Variants in CENPN observed in about 807,000 individuals in gnomAD.
CENPN encodes interphase centromere complex protein 32.
CENPN carries 36 observed loss-of-function variants against 48.6 expected under a neutral mutation model. That is an observed-to-expected ratio of 0.74 (90% CI 0.57 to 0.98). The LOEUF (loss-of-function observed/expected upper bound fraction) is 0.98. CENPN is among the 50% of genes least tolerant of loss of function. CENPN has a pLI of 0.00. For synonymous variants in CENPN, 166 were observed against 135.2 expected, an observed-to-expected ratio of 1.23 and a Z score of -1.58; for missense variants, 439 against 399.2, an observed-to-expected ratio of 1.10 and a Z score of -0.85.
chr16:81,017,725 T>C, intron 4 of CENPN, 33 bp from the exon 5 acceptor site: 1 of 1,475,752 alleles, frequency 6.8e-7, no homozygotes, highest in South Asian at 1.2e-5. Context: ...GTAGCTCCCT[T>C]GATTTTTCTT....
intron 7 of CENPN, chr16:81,022,995 C>A: frequency 1.0e-6 from 1 of 961,764 alleles, no homozygotes; most frequent in Non-Finnish European, 1.5e-6. Context: ...AGAAACTTCA[C>A]ATTATCTTTT....
At chr16:81,028,429 CT>C in intron 10 of CENPN, 132 bp downstream of exon 10, 1 of 1,465,306 alleles carries the variant, frequency 6.8e-7, no homozygotes, top group Admixed American at 2.1e-5. Flanking sequence ...TCTCTTGCAT[CT>C]TCTGCTTCTG....
chr16:81,032,792 TG>T (rs1970826447), downstream of CENPN: 2 of 1,277,258 alleles, frequency 1.6e-6, no homozygotes, highest in African/African-American at 1.5e-5. Context: ...CAGGCCTCCT[TG>T]TTAAAATGGA....
chr16:81,008,024 A>C (rs1969533393), intron 1 of CENPN, among the ~76,000 whole-genome samples: 1 of 152,038 alleles, frequency 6.6e-6, no homozygotes, highest in Non-Finnish European at 1.5e-5. Context: ...GGAGAAGCGC[A>C]TGAACCCGGG....
downstream of CENPN, among the ~76,000 whole-genome samples, chr16:81,032,210 T>C (rs949616216): frequency 1.3e-5 from 2 of 150,324 alleles, no homozygotes; most frequent in Admixed American, 1.3e-4. Context: ...CAAATCTCAT[T>C]ATCTATCAAA....
chr16:81,024,530 T>G (rs1049362229), intron 7 of CENPN, 185 bp from the exon 8 acceptor site: 11 of 478,610 alleles, frequency 2.3e-5, no homozygotes, highest in African/African-American at 6.0e-5. Context: ...AACAGTCGAG[T>G]TGCAGGCTCA....
Position 81,028,728 on chromosome 16 carries a change from G to T in CENPN, c.*77G>T. On this transcript the variant is annotated 3_prime_UTR_variant, in exon 11 of 11. Transcript: ENST00000305850. ...ACTTCAGTTCATGGCTAGCTGTATA[G>T]CTTCCGTCTGTAAACTTGTATTTTC... The T allele has an allele frequency of 6.5e-7, 1 of 1,529,932 alleles. No homozygotes were observed. Among genetic ancestry groups the T allele is most frequent in the Non-Finnish European group, 8.7e-7 (1 of 1,145,412 alleles). The allele number at this position is 1,529,932 out of a possible 1,614,324, so 94.8% of individuals were successfully genotyped here.
intron 7 of CENPN, chr16:81,023,073 C>G (rs1476688613): frequency 2.2e-6 from 1 of 447,758 alleles, no homozygotes. Flanking sequence ...ATCACTCAAG[C>G]AGGTTATACA....
At position 81,021,987 on chromosome 16, in the gene CENPN, G is replaced by A. The variant is rs180838899; in HGVS notation, c.532-610G>A. ...TTGCCCAGGCTGGTCTCAAACTCCC[G>A]ACTTCAAGTGATCCACCTGCCTTGG... On this transcript the variant is annotated intron_variant, in intron 6 of 10. Coordinates refer to ENST00000305850, the MANE Select transcript of CENPN (RefSeq NM_001100624.3). Among the ~76,000 whole-genome samples, 497 of 152,226 alleles carry A rather than the reference G, an allele frequency of 3.3e-3. 5 individuals are homozygous for A. Among genetic ancestry groups the A allele is most frequent in the African/African-American group, 0.011 (460 of 41,542 alleles).
intron 5 of CENPN, 136 bp downstream of exon 5, chr16:81,017,970 C>G: frequency 1.7e-6 from 1 of 575,752 alleles, no homozygotes; most frequent in Non-Finnish European, 3.1e-6. Flanking sequence ...TACTCCATAT[C>G]AGAAACACAC....
intron 5 of CENPN, among the ~76,000 whole-genome samples, chr16:81,019,895 G>A (rs1436639212): frequency 2.0e-5 from 3 of 149,664 alleles, no homozygotes; most frequent in African/African-American, 7.4e-5. Flanking sequence ...AAAAAGAACT[G>A]AAAAGGATTT....
intron 1 of CENPN, among the ~76,000 whole-genome samples, chr16:81,009,471 C>T (rs1220405961): frequency 1.3e-5 from 2 of 152,132 alleles, no homozygotes; most frequent in Admixed American, 6.5e-5. Context: ...CCACGCAACA[C>T]GGGGCCTTGT....
chr16:81,008,440 C>A (rs529540269), intron 1 of CENPN, among the ~76,000 whole-genome samples: 7 of 152,084 alleles, frequency 4.6e-5, no homozygotes, highest in Admixed American at 3.3e-4. Flanking sequence ...GGCACGTTCT[C>A]GGCTCACTGC....
chr16:81,008,325 C>T (rs1477490512), intron 1 of CENPN, among the ~76,000 whole-genome samples: 1 of 151,964 alleles, frequency 6.6e-6, no homozygotes, highest in Non-Finnish European at 1.5e-5. Context: ...TTGATAGGGC[C>T]CAGGAATCTT....
intron 5 of CENPN, among the ~76,000 whole-genome samples, chr16:81,018,972 T>C (rs1418034914): frequency 1.3e-5 from 2 of 152,204 alleles, no homozygotes; most frequent in Non-Finnish European, 2.9e-5. Flanking sequence ...GAGCAGCCTA[T>C]TAAATTCCAG....
Position 81,024,773 on chromosome 16 carries a change from T to C in CENPN, c.692T>C (p.Ile231Thr). ...CAGGAAAGAAGCCTTGGACTAGATA[T>C]AAATAGTACGTGTGTGTTAATATGA... is the stretch of plus-strand genomic sequence containing the variant. Reference protein sequence around the residue: ...PLQERSLGLDINMDSRIIHEN... With the variant: ...PLQERSLGLDTNMDSRIIHEN... The change falls in exon 8 of 11, where the codon ATA becomes ACA. Residue 231 changes from isoleucine to threonine, a missense_variant. Transcript: ENST00000305850. 6.2e-7 allele frequency: 1 copy of C among 1,603,708 alleles called. No homozygotes were observed. The highest frequency in any genetic ancestry group is 1.3e-5 in the African/African-American group (1 of 74,772).
In CENPN at chr16:81,028,230, C is replaced by A. The variant is rs1382186524; in HGVS notation, c.870C>A (p.Pro290=). Residue 290 remains proline, a synonymous_variant, in exon 10 of 11, where the codon CCC becomes CCA. Coordinates refer to ENST00000305850, the MANE Select transcript of CENPN (RefSeq NM_001100624.3). ...NGSILAEREE[P]LRCLIKFSSP... is the part of the protein sequence containing the mutation. Reference sequence around the variant, plus strand: ...GCATCTTGGCTGAGAGGGAAGAACCCCTCCGATGCCTAATAAAGTTCTCTA... The same window carrying A: ...GCATCTTGGCTGAGAGGGAAGAACCACTCCGATGCCTAATAAAGTTCTCTA... 1 of 1,613,142 alleles carries A rather than the reference C, an allele frequency of 6.2e-7. No individual in the cohort carries two copies. The highest frequency in any genetic ancestry group is 8.5e-7 in the Non-Finnish European group (1 of 1,179,222).
At chr16:81,031,922 T>C (rs1415306500), downstream of CENPN, among the ~76,000 whole-genome samples, 1 of 152,170 alleles carries the variant, frequency 6.6e-6, no homozygotes, top group Non-Finnish European at 1.5e-5. Context: ...TTTAACTTGA[T>C]TTTTCTCTTC....
chr16:81,024,775 A>C lies in CENPN; in HGVS notation c.694A>C (p.Asn232His), dbSNP rs972689395. The C allele has an allele frequency of 3.7e-6, 6 of 1,600,620 alleles. No individual in the cohort carries two copies. In the African/African-American group the frequency reaches 4.0e-5, roughly 11 times the overall value. ...GGAAAGAAGCCTTGGACTAGATATA[A>C]ATAGTACGTGTGTGTTAATATGAAA... ...LQERSLGLDI[N>H]MDSRIIHENI... The change falls in exon 8 of 11, where the codon AAT becomes CAT. Residue 232 changes from asparagine to histidine, a missense_variant. By Grantham distance (68) the Asn-to-His change is moderately conservative. Coordinates refer to ENST00000305850, the MANE Select transcript of CENPN (RefSeq NM_001100624.3).
Sources: gnomAD v4.1 joint callset for allele counts (sites outside exome capture counted in the v4.1 genomes callset) on GRCh38, gnomAD v4.1.1 for gene constraint, MANE v1.5 for transcripts, NCBI Gene and HGNC (gene_info 2026-07-23, HGNC 2026-07-21) for gene names.